The following TNC variants were observed in gnomAD, a reference collection of about 807,000 sequenced individuals.
The protein encoded by TNC is tenascin.
TNC carries 109 observed loss-of-function variants against 202.4 expected under a neutral mutation model. That is an observed-to-expected ratio of 0.54 (90% CI 0.46 to 0.63). The LOEUF (loss-of-function observed/expected upper bound fraction) is 0.63, where lower values mean the gene tolerates loss of function less well. Ranked by LOEUF, TNC falls within the 30% of genes least tolerant of loss-of-function variation. TNC has a pLI of 0.00. For missense variants in TNC, 2,756 were observed against 2,833.3 expected (o/e 0.97, Z 0.62); for synonymous variants, 1,007 against 1,089.7 (o/e 0.92, Z 1.50).
At chr9:115,073,902 C>A (rs1337523111) in intron 9 of TNC, 36 bp from the exon 10 acceptor site, 1 of 1,591,878 alleles carries the variant, frequency 6.3e-7, no homozygotes, top group Admixed American at 1.7e-5. Context: ...GCTCTTCAGG[C>A]TGCAAGACAG....
rs144544701 is a variant in TNC, at chr9:115,086,429, G to A, written c.1302C>T (p.Cys434=). 1.3e-5 allele frequency: 21 copies of A among 1,613,952 alleles called. No individual in the cohort carries two copies. In the African/African-American group the frequency reaches 2.5e-4, roughly 19 times the overall value. ...VCDEGYTGED[C]SQLRCPNDCH... ...AGTCATTGGGGCACCGTAGCTGGCT[G>A]CAGTCCTCCCCAGTATAGCCCTCAT... Residue 434 remains cysteine (C), a synonymous_variant, in exon 3 of 28, where the codon TGC becomes TGT. Coordinates refer to ENST00000350763, the MANE Select transcript of TNC (RefSeq NM_002160.4).
intron 1 of TNC, among the ~76,000 whole-genome samples, chr9:115,115,615 T>C (rs1412861372): frequency 6.6e-6 from 1 of 152,224 alleles, no homozygotes; most frequent in Non-Finnish European, 1.5e-5. Flanking sequence ...GTTAAGTCTT[T>C]TATTTCTCAT....
rs1318555768 is a variant in TNC at position 115,073,684 on chromosome 9, G to A, written c.3133C>T (p.Pro1045Ser). 13 of 1,614,142 alleles carry A rather than the reference G, an allele frequency of 8.1e-6. No individual in the cohort carries two copies. The highest frequency in any genetic ancestry group is 1.1e-5 in the Non-Finnish European group (13 of 1,180,024). The change falls in exon 10 of 28, where the codon CCA becomes TCA. Residue 1045 changes from proline to serine, a missense_variant. Coordinates refer to ENST00000350763, the MANE Select transcript of TNC (RefSeq NM_002160.4). ...TTSYVLRGLE[P>S]GQEYNVLLTA... is the part of the protein sequence containing the mutation. ...AGGAGGACATTGTACTCCTGTCCTG[G>A]TTCCAGGCCTCTCAGGACATAGGAA... is the stretch of plus-strand genomic sequence containing the variant.
chr9:115,058,505 G>C (rs868490960), intron 14 of TNC, among the ~76,000 whole-genome samples: 2 of 152,234 alleles, frequency 1.3e-5, no homozygotes, highest in African/African-American at 2.4e-5. Flanking sequence ...CTTCTGGGAA[G>C]GGATGGTTTA....
intron 15 of TNC, among the ~76,000 whole-genome samples, chr9:115,053,429 G>A (rs948598838): frequency 6.6e-6 from 1 of 152,178 alleles, no homozygotes; most frequent in African/African-American, 2.4e-5. Context: ...GATTAAGTAT[G>A]CATGGTAAAC....
chr9:115,033,571 C>G (rs1830102100), intron 22 of TNC, among the ~76,000 whole-genome samples: 1 of 151,972 alleles, frequency 6.6e-6, no homozygotes, highest in Non-Finnish European at 1.5e-5. Flanking sequence ...ACACTGACAC[C>G]CAGAGAAGAT....
At position 115,042,447 on chromosome 9, in the gene TNC, G is replaced by T. The variant is rs1368611156; in HGVS notation, c.5126-106C>A. On this transcript the variant is annotated intron_variant, in intron 17 of 27. Coordinates refer to ENST00000350763, the MANE Select transcript of TNC (RefSeq NM_002160.4). ...TAGGAAAACTCAGTGCCTAGAATTT[G>T]TGTCTGAGCCAAGCCTTTAGGATGG... 3 of 1,469,390 alleles carry T rather than the reference G, an allele frequency of 2.0e-6. No individual in the cohort carries two copies. In the African/African-American group the frequency reaches 4.2e-5, roughly 21 times the overall value. The allele number at this position is 1,469,390 out of a possible 1,614,324, so 91.0% of individuals were successfully genotyped here.
At position 115,086,434 on chromosome 9, in the gene TNC, C is replaced by T. The variant is rs147990968; in HGVS notation, c.1297G>A (p.Asp433Asn). Residue 433 changes from aspartate to asparagine, a missense_variant, in exon 3 of 28, where the codon GAC becomes AAC. Around this residue, in one of 2 missense-constraint regions of TNC, gnomAD observed 2,559 missense variants for 2,546.0 expected, o/e 1.01. Transcript: ENST00000350763. ...CVCDEGYTGE[D>N]CSQLRCPNDC... ...TTGGGGCACCGTAGCTGGCTGCAGT[C>T]CTCCCCAGTATAGCCCTCATCACAC... The T allele has an allele frequency of 4.6e-4, 749 of 1,613,928 alleles. 7 individuals carry two copies. The highest frequency in any genetic ancestry group is 1.4e-4 in the Non-Finnish European group (168 of 1,180,026).
intron 2 of TNC, among the ~76,000 whole-genome samples, chr9:115,089,084 C>A (rs1835014862): frequency 6.6e-6 from 1 of 152,180 alleles, no homozygotes; most frequent in African/African-American, 2.4e-5. Context: ...CTTAGCATTA[C>A]TCCTACTGTG....
chr9:115,071,068 G>C (rs185162182), intron 10 of TNC, among the ~76,000 whole-genome samples: 1 of 152,178 alleles, frequency 6.6e-6, no homozygotes, highest in Non-Finnish European at 1.5e-5. Flanking sequence ...CTGTTTGTTC[G>C]CTACACAGTG....
Position 115,046,677 on chromosome 9 carries a change from C to T in TNC, c.4858G>A (p.Glu1620Lys), listed in dbSNP as rs769224726. 38 of 1,612,254 alleles carry T rather than the reference C, an allele frequency of 2.4e-5. No individual in the cohort carries two copies. Among genetic ancestry groups the T allele is most frequent in the Non-Finnish European group, 2.8e-5 (33 of 1,179,586 alleles). ...ACCAGAAGGTTGTCAACTTCCGGTT[C>T]GGCTTCTAGAGGGAGAGAAAATGGT... ...PLRAEIVTEA[E>K]PEVDNLLVSD... is the part of the protein sequence containing the mutation. Residue 1620 changes from glutamate (E) to lysine (K), a missense_variant, in exon 17 of 28, where the codon GAA becomes AAA. By Grantham distance (56) the Glu-to-Lys change is moderately conservative. Coordinates refer to ENST00000350763, the MANE Select transcript of TNC (RefSeq NM_002160.4).
intron 24 of TNC, among the ~76,000 whole-genome samples, chr9:115,029,711 A>G (rs1291638724): frequency 1.3e-5 from 2 of 152,194 alleles, no homozygotes; most frequent in Non-Finnish European, 2.9e-5. Context: ...GATTGTAACA[A>G]ATGCACCATT....
chr9:115,054,036 A>G (rs953477113), intron 15 of TNC, among the ~76,000 whole-genome samples: 15 of 152,206 alleles, frequency 9.9e-5, no homozygotes, highest in African/African-American at 3.4e-4. Context: ...ATGCTCATTT[A>G]TCAAATAAAA....
chr9:115,042,387 C>T, intron 17 of TNC, 46 bp from the exon 18 acceptor site: 1 of 1,604,556 alleles, frequency 6.2e-7, no homozygotes, highest in East Asian at 2.2e-5. Flanking sequence ...AGTTAACTGT[C>T]TTGTTCATCA....
intron 1 of TNC, among the ~76,000 whole-genome samples, chr9:115,105,514 G>A (rs1317173110): frequency 6.6e-6 from 1 of 152,134 alleles, no homozygotes; most frequent in Non-Finnish European, 1.5e-5. Context: ...TTTAAATCAG[G>A]TGAACTGATT....
rs1831372151 is a variant in TNC at position 115,048,385 on chromosome 9, G to A, written c.4727C>T (p.Thr1576Ile). ...CAGCTTCCTCTGGGTTCCTGAAAGTGTGAATTCCTGGGGGTCCAGCAGCTT... is the reference window on the plus strand; with the variant it reads ...CAGCTTCCTCTGGGTTCCTGAAAGTATGAATTCCTGGGGGTCCAGCAGCTT... ...SGKLLDPQEF[T>I]LSGTQRKLEL... The change falls in exon 16 of 28, where the codon ACA becomes ATA. Residue 1576 changes from threonine to isoleucine, a missense_variant. Physicochemically the swap from Thr to Ile is moderately conservative, Grantham distance 89. Around this residue, in one of 2 missense-constraint regions of TNC, gnomAD observed 2,559 missense variants for 2,546.0 expected, o/e 1.01. Coordinates refer to ENST00000350763, the MANE Select transcript of TNC (RefSeq NM_002160.4). 2 of 1,613,966 alleles carry A rather than the reference G, an allele frequency of 1.2e-6. No individual in the cohort carries two copies. Among genetic ancestry groups the A allele is most frequent in the South Asian group, 2.2e-5 (2 of 91,084 alleles).
Position 115,031,613 on chromosome 9 carries a change from TGGCTGTGTAGTG to T in TNC, c.5848_5859del (p.His1950_Ala1953del). The T allele has an allele frequency of 6.2e-7, 1 of 1,612,362 alleles. No homozygotes were observed. The highest frequency in any genetic ancestry group is 8.5e-7 in the Non-Finnish European group (1 of 1,179,160). ...AGGGGCCCATTGAGTGCCTGGATCT[TGGCTGTGTAGTG>T]GGTGGATGGGCTCAGGTCTGCCAGG... On this transcript the variant is annotated inframe_deletion, in exon 23 of 28. Transcript: ENST00000350763.
At chr9:115,068,382 T>C (rs145047084) in intron 10 of TNC, among the ~76,000 whole-genome samples, 3 of 152,302 alleles carry the variant, frequency 2.0e-5, no homozygotes, top group Non-Finnish European at 4.4e-5. Context: ...TAAAAATCTG[T>C]AGATTGTTAC....
intron 1 of TNC, among the ~76,000 whole-genome samples, chr9:115,108,718 A>G (rs1026457843): frequency 6.6e-6 from 1 of 152,212 alleles, no homozygotes; most frequent in African/African-American, 2.4e-5. Flanking sequence ...GTGTGACAAT[A>G]TTAGTTGGCA....
Sources: gnomAD v4.1 joint callset for allele counts (sites outside exome capture counted in the v4.1 genomes callset) on GRCh38, gnomAD v4.1.1 for gene constraint, gnomAD v4.1.1 regional missense constraint, MANE v1.5 for transcripts, NCBI Gene and HGNC (gene_info 2026-07-23, HGNC 2026-07-21) for gene names.